Variants in EPM2A observed in about 807,000 individuals in gnomAD.
The protein encoded by EPM2A is EPM2A glucan phosphatase, laforin.
Under a neutral mutation model 26.5 loss-of-function variants are expected in EPM2A, and 21 were observed. That is an observed-to-expected ratio of 0.79 (90% CI 0.56 to 1.14). The LOEUF is 1.14. Among genes scored for constraint, EPM2A ranks in the 50% most tolerant of loss-of-function variants. The probability of loss-of-function intolerance (pLI) is 0.00; values close to 1 mark genes in which losing one functional copy is unlikely to be tolerated. For synonymous variants in EPM2A, 217 were observed against 177.6 expected (o/e 1.22, Z -1.76); for missense variants, 458 against 440.8 (o/e 1.04, Z -0.35).
intron 4 of EPM2A, among the ~76,000 whole-genome samples, chr6:145,431,698 C>T (rs1778923436): frequency 6.6e-6 from 1 of 152,132 alleles, no homozygotes; most frequent in African/African-American, 2.4e-5. Flanking sequence ...TGATCGAGTG[C>T]TGATTACTGA....
chr6:145,486,808 T>C (rs1362277232), intron 4 of EPM2A, among the ~76,000 whole-genome samples: 1 of 152,218 alleles, frequency 6.6e-6, no homozygotes, highest in African/African-American at 2.4e-5. Context: ...TATTATACTA[T>C]TACACATTAC....
chr6:145,580,367 T>G (rs1196228559), intron 2 of EPM2A, among the ~76,000 whole-genome samples: 1 of 152,174 alleles, frequency 6.6e-6, no homozygotes, highest in East Asian at 1.9e-4. Flanking sequence ...AACTGTAACC[T>G]TGAATAACAC....
At chr6:145,622,960 TTCTC>T (rs1316160331), downstream of EPM2A, among the ~76,000 whole-genome samples, 4 of 152,252 alleles carry the variant, frequency 2.6e-5, no homozygotes, top group African/African-American at 9.6e-5. Context: ...TAAGTTCACC[TTCTC>T]TCTATCCTTT....
chr6:145,483,179 T>C (rs1779631588), intron 4 of EPM2A, among the ~76,000 whole-genome samples: 1 of 152,102 alleles, frequency 6.6e-6, no homozygotes, highest in African/African-American at 2.4e-5. Flanking sequence ...AAATAGCCCT[T>C]ATTATTTAAA....
At chr6:145,464,346 A>G (rs1296546537) in intron 4 of EPM2A, among the ~76,000 whole-genome samples, 1 of 152,134 alleles carries the variant, frequency 6.6e-6, no homozygotes, top group African/African-American at 2.4e-5. Flanking sequence ...TTCCTTTATA[A>G]ATTACCCAGT....
intron 2 of EPM2A, among the ~76,000 whole-genome samples, chr6:145,666,703 C>T (rs1455264930): frequency 7.1e-6 from 1 of 140,616 alleles, no homozygotes; most frequent in Non-Finnish European, 1.5e-5. Context: ...CCCGCATCGC[C>T]AAGTCAATCC....
intron 4 of EPM2A, among the ~76,000 whole-genome samples, chr6:145,404,423 TA>T: frequency 6.6e-6 from 1 of 150,776 alleles, no homozygotes; most frequent in South Asian, 2.1e-4. Context: ...ATTGTTTTTT[TA>T]AATGTGTATA....
rs145006561 is a variant in EPM2A at position 145,396,959 on chromosome 6, C to T, written c.556-12862G>A. 8.2e-4 allele frequency among the ~76,000 whole-genome samples: 125 copies of T among 152,310 alleles called. 1 individual carries two copies. The highest frequency in any genetic ancestry group is 2.8e-3 in the African/African-American group (117 of 41,562). On this transcript the variant is annotated intron_variant, in intron 4 of 4. Coordinates refer to the EPM2A transcript ENST00000638717. Reference sequence around the variant, plus strand: ...GTTTAAAACCTGGCCAATCCCACAGCACTTTCACTGTGCCTATCATTCCAG... The same window carrying T: ...GTTTAAAACCTGGCCAATCCCACAGTACTTTCACTGTGCCTATCATTCCAG...
rs1392105667 is a variant in EPM2A, at chr6:145,626,354, T to A, written c.*1062A>T. On this transcript the variant is annotated 3_prime_UTR_variant, in exon 4 of 4. Coordinates refer to ENST00000367519, the MANE Select transcript of EPM2A (RefSeq NM_005670.4). ...CAGGATGGCCAAGGCTGTGAAGCAA[T>A]TATCCATGGATTTGGTCATTTGGGC... 2.0e-6 allele frequency: 2 copies of A among 985,898 alleles called. No homozygotes were observed. The highest frequency in any genetic ancestry group is 2.4e-6 in the Non-Finnish European group (2 of 830,048). 61.1% of individuals were successfully genotyped at this position (985,898 alleles called of 1,614,324 possible).
At chr6:145,735,566 T>G, upstream of EPM2A, 2 of 1,111,050 alleles carry the variant, frequency 1.8e-6, no homozygotes, top group Non-Finnish European at 2.2e-6. Flanking sequence ...GCCCGAGCAC[T>G]AGGCGGCCGC....
chr6:145,540,161 G>A (rs1780487411), intron 2 of EPM2A, among the ~76,000 whole-genome samples: 1 of 152,158 alleles, frequency 6.6e-6, no homozygotes, highest in Admixed American at 6.5e-5. Context: ...CTTGAGAACA[G>A]TGAGCAACAA....
chr6:145,735,142 G>C (rs1320831383), intron 1 of EPM2A, 56 bp downstream of exon 1: 2 of 1,355,548 alleles, frequency 1.5e-6, no homozygotes, highest in East Asian at 6.5e-5. Flanking sequence ...GCCCCGGTTG[G>C]GGGTGCGGGC....
At position 145,665,303 on chromosome 6, in the gene EPM2A, T is replaced by C. The variant is rs1227518993; in HGVS notation, c.476+20819A>G. On this transcript the variant is annotated intron_variant, in intron 2 of 3. Transcript: ENST00000367519. Reference sequence around the variant, plus strand: ...AAGAAAAAAAGAGAGAAGAATCAAATAGACACAATAAAAAATGATAAAGGG... The same window carrying C: ...AAGAAAAAAAGAGAGAAGAATCAAACAGACACAATAAAAAATGATAAAGGG... Among the ~76,000 whole-genome samples the C allele has an allele frequency of 3.0e-4, 15 of 50,366 alleles. 1 individual carries two copies. In the South Asian group the frequency reaches 6.6e-3, roughly 22 times the overall value. The allele number at this position is 50,366 out of a possible 152,430, so 33.0% of individuals were successfully genotyped here.
intron 2 of EPM2A, among the ~76,000 whole-genome samples, chr6:145,550,617 T>C (rs891662869): frequency 6.6e-6 from 1 of 152,034 alleles, no homozygotes; most frequent in African/African-American, 2.4e-5. Flanking sequence ...CTGTGCATGA[T>C]TACTTATACG....
intron 2 of EPM2A, among the ~76,000 whole-genome samples, chr6:145,587,606 A>G (rs1781215671): frequency 6.6e-6 from 1 of 152,224 alleles, no homozygotes; most frequent in Non-Finnish European, 1.5e-5. Flanking sequence ...AATTGAGGAC[A>G]GAAGGGACTC....
chr6:145,723,366 G>A (rs1776038833), intron 1 of EPM2A, among the ~76,000 whole-genome samples: 1 of 152,042 alleles, frequency 6.6e-6, no homozygotes, highest in South Asian at 2.1e-4. Flanking sequence ...AAGGAAGAGA[G>A]TTCCAAAACA....
intron 2 of EPM2A, among the ~76,000 whole-genome samples, chr6:145,582,804 T>A (rs1341324045): frequency 6.6e-6 from 1 of 152,220 alleles, no homozygotes; most frequent in Non-Finnish European, 1.5e-5. Flanking sequence ...ATTCATAGAT[T>A]TGGTCTGTTT....
chr6:145,453,399 A>G (rs1257286146), intron 4 of EPM2A, among the ~76,000 whole-genome samples: 2 of 152,202 alleles, frequency 1.3e-5, no homozygotes, highest in Non-Finnish European at 2.9e-5. Flanking sequence ...ATTTTTAAAA[A>G]ATTCTCAGAG....
At chr6:145,492,510 T>C (rs187011567) in intron 4 of EPM2A, among the ~76,000 whole-genome samples, 3 of 152,028 alleles carry the variant, frequency 2.0e-5, no homozygotes, top group Non-Finnish European at 4.4e-5. Flanking sequence ...CAGAGGGTCA[T>C]TGTGACCGCC....
Sources: allele counts gnomAD v4.1 joint callset (sites outside exome capture counted in the v4.1 genomes callset), GRCh38; gene constraint gnomAD v4.1.1; transcripts MANE v1.5; gene names NCBI Gene and HGNC (gene_info 2026-07-23, HGNC 2026-07-21).